The following DRGX variants were observed in gnomAD, a reference collection of about 807,000 sequenced individuals.
DRGX encodes the protein dorsal root ganglia homeobox protein.
DRGX carries 21 observed loss-of-function variants against 28.6 expected under a neutral mutation model. That is an observed-to-expected ratio of 0.73 (90% CI 0.52 to 1.06). DRGX has a LOEUF of 1.06. Among genes scored for constraint, DRGX ranks in the 50% least tolerant of loss-of-function variants. DRGX has a pLI of 0.00. For synonymous variants in DRGX, 136 were observed against 139.1 expected, an observed-to-expected ratio of 0.98 and a Z score of 0.16; for missense variants, 354 against 343.9, an observed-to-expected ratio of 1.03 and a Z score of -0.23.
chr10:49,391,641 TTAATAG>T (rs1564710112), intron 2 of DRGX, among the ~76,000 whole-genome samples: 1 of 152,140 alleles, frequency 6.6e-6, no homozygotes, highest in Non-Finnish European at 1.5e-5. Flanking sequence ...TCCAGATCCT[TTAATAG>T]AAGCCTGTGT....
At chr10:49,372,715 A>G (rs575627000) in intron 6 of DRGX, among the ~76,000 whole-genome samples, 7 of 152,372 alleles carry the variant, frequency 4.6e-5, no homozygotes, top group African/African-American at 1.7e-4. Flanking sequence ...ACACACACGT[A>G]ACACTACATA....
chr10:49,380,714 G>A (rs1849765606), intron 6 of DRGX, among the ~76,000 whole-genome samples: 1 of 152,164 alleles, frequency 6.6e-6, no homozygotes, highest in African/African-American at 2.4e-5. Flanking sequence ...GGAGCAACAA[G>A]GATTACAAGG....
intron 2 of DRGX, among the ~76,000 whole-genome samples, chr10:49,394,201 G>A (rs1048490598): frequency 1.8e-4 from 27 of 152,170 alleles, no homozygotes; most frequent in Non-Finnish European, 2.8e-4. Flanking sequence ...AATGCTGACA[G>A]AGCTAGCAGG....
In DRGX at chr10:49,364,253, CT is replaced by C. The variant is rs1849573898; in HGVS notation, c.*1862del. 1 of 152,188 alleles carries C rather than the reference CT, an allele frequency of 6.6e-6. No individual in the cohort carries two copies. Among genetic ancestry groups the C allele is most frequent in the South Asian group, 2.1e-4 (1 of 4,822 alleles). The allele number at this position is 152,188 out of a possible 1,614,324, so 9.4% of individuals were successfully genotyped here. A position where few individuals can be genotyped will look rare whatever the true frequency, so the allele number is the denominator to read the frequency against. On this transcript the variant is annotated 3_prime_UTR_variant, in exon 7 of 7. Coordinates refer to ENST00000374139, the MANE Select transcript of DRGX (RefSeq NM_001276451.2). ...GATATGATCCAGTTTTGCACAGTCA[CT>C]AGAGTGTCGCATCATGAATTATTAA...
At chr10:49,372,407 A>G (rs889090656) in intron 6 of DRGX, among the ~76,000 whole-genome samples, 4 of 152,316 alleles carry the variant, frequency 2.6e-5, no homozygotes, top group African/African-American at 4.8e-5. Flanking sequence ...TGGTAGAAGA[A>G]GTCTGGCCCC....
Position 49,383,959 on chromosome 10 carries a change from CTG to C in DRGX, c.526+2517_526+2518del, listed in dbSNP as rs543166440. ...ATATAAATACAAATCTCCAGCTACT[CTG>C]GAAAATGCAGCAATTCTGGCAACAC... On this transcript the variant is annotated intron_variant, in intron 6 of 6. Transcript: ENST00000374139. Among the ~76,000 whole-genome samples the C allele has an allele frequency of 2.6e-5, 4 of 152,370 alleles. No homozygotes were observed. In the South Asian group the frequency reaches 8.3e-4, roughly 32 times the overall value.
chr10:49,377,872 A>G, intron 6 of DRGX, among the ~76,000 whole-genome samples: 1 of 152,242 alleles, frequency 6.6e-6, no homozygotes, highest in Non-Finnish European at 1.5e-5. Context: ...AACCACAGTT[A>G]AATAAAACCA....
chr10:49,365,915 A>G lies in DRGX; in HGVS notation c.*201T>C, dbSNP rs1849592968. On this transcript the variant is annotated 3_prime_UTR_variant, in exon 7 of 7. Transcript: ENST00000374139. ...GGGATCTGTTGCCAAAGAAGCCAGG[A>G]CAACACTGCCGCACTGGTGGGACTC... 8.2e-6 allele frequency: 4 copies of G among 490,194 alleles called. No individual in the cohort carries two copies. Among genetic ancestry groups the G allele is most frequent in the Non-Finnish European group, 1.3e-5 (4 of 303,806 alleles). The allele number at this position is 490,194 out of a possible 1,614,324, so 30.4% of individuals were successfully genotyped here. A position where few individuals can be genotyped will look rare whatever the true frequency, so the allele number is the denominator to read the frequency against.
At chr10:49,368,776 T>G (rs764718317) in intron 6 of DRGX, among the ~76,000 whole-genome samples, 3 of 152,276 alleles carry the variant, frequency 2.0e-5, no homozygotes, top group Non-Finnish European at 4.4e-5. Flanking sequence ...TATTTAGAAT[T>G]TTTCTTGTTT....
intron 6 of DRGX, among the ~76,000 whole-genome samples, chr10:49,372,850 A>G (rs1458643248): frequency 6.6e-6 from 1 of 152,234 alleles, no homozygotes; most frequent in Non-Finnish European, 1.5e-5. Context: ...CCATCTGGCC[A>G]AAAAGTAATT....
At chr10:49,371,729 T>C (rs916731416) in intron 6 of DRGX, among the ~76,000 whole-genome samples, 1 of 144,374 alleles carries the variant, frequency 6.9e-6, no homozygotes, top group Non-Finnish European at 1.5e-5. Flanking sequence ...GAGGTGGAGG[T>C]TGCAGTGAAC....
chr10:49,368,599 C>A (rs547127132), intron 6 of DRGX, among the ~76,000 whole-genome samples: 17 of 152,356 alleles, frequency 1.1e-4, no homozygotes, highest in African/African-American at 3.4e-4. Flanking sequence ...TCAGTCCTTC[C>A]TGATGGTTAG....
In DRGX at chr10:49,366,116, TCATA is replaced by T; in HGVS notation, c.788_791del (p.Val263GlufsTer120). ...AGGCCGGGCGGGGCACTGTGGACCC[TCATA>T]CACTCTTCTCTGCCTCGCTCTGTTC... On this transcript the variant is annotated frameshift_variant and stop_lost, in exon 7 of 7. Coordinates refer to ENST00000374139, the MANE Select transcript of DRGX (RefSeq NM_001276451.2). LOFTEE classifies it high-confidence loss of function. The T allele has an allele frequency of 6.3e-7, 1 of 1,578,784 alleles. No individual in the cohort carries two copies. The highest frequency in any genetic ancestry group is 8.6e-7 in the Non-Finnish European group (1 of 1,159,844).
At chr10:49,380,774 T>C (rs1849766081) in intron 6 of DRGX, among the ~76,000 whole-genome samples, 1 of 152,196 alleles carries the variant, frequency 6.6e-6, no homozygotes, top group Non-Finnish European at 1.5e-5. Flanking sequence ...GGAGAGGTTT[T>C]GGAGAAGGTA....
At chr10:49,368,739 G>A (rs1045977386) in intron 6 of DRGX, among the ~76,000 whole-genome samples, 1 of 152,240 alleles carries the variant, frequency 6.6e-6, no homozygotes, top group African/African-American at 2.4e-5. Flanking sequence ...AGGGTATGCT[G>A]TAGATTTGTG....
intron 4 of DRGX, among the ~76,000 whole-genome samples, chr10:49,388,952 CT>C (rs1316524243): frequency 1.3e-5 from 2 of 152,202 alleles, no homozygotes; most frequent in African/African-American, 4.8e-5. Context: ...GTCACCACCC[CT>C]ATCTTACCCT....
At chr10:49,378,416 G>A (rs1483792700) in intron 6 of DRGX, among the ~76,000 whole-genome samples, 3 of 152,306 alleles carry the variant, frequency 2.0e-5, no homozygotes, top group South Asian at 2.1e-4. Flanking sequence ...TCTGGGCTGT[G>A]CAAAATGGAG....
rs541866985 is a variant in DRGX, at chr10:49,368,374, C to A, written c.527-1993G>T. Reference sequence around the variant, plus strand: ...ACCAAGATGAGTGTGAGGCAGCACACACGCACAGTGTGCAAGGGAGCTCTG... The same window carrying A: ...ACCAAGATGAGTGTGAGGCAGCACAAACGCACAGTGTGCAAGGGAGCTCTG... On this transcript the variant is annotated intron_variant, in intron 6 of 6. Transcript: ENST00000374139. Among the ~76,000 whole-genome samples, 5 of 152,382 alleles carry A rather than the reference C, an allele frequency of 3.3e-5. No individual in the cohort carries two copies. The East Asian group carries it at 9.6e-4, about 29-fold the overall frequency.
chr10:49,372,510 A>G (rs1849671304), intron 6 of DRGX, among the ~76,000 whole-genome samples: 1 of 152,234 alleles, frequency 6.6e-6, no homozygotes, highest in African/African-American at 2.4e-5. Context: ...GATAAATCCT[A>G]TAAAGCACCT....
Sources: allele counts gnomAD v4.1 joint callset (sites outside exome capture counted in the v4.1 genomes callset), GRCh38; gene constraint gnomAD v4.1.1; transcripts MANE v1.5; gene names NCBI Gene and HGNC (gene_info 2026-07-23, HGNC 2026-07-21).